Variants in IL1R1 observed in about 807,000 individuals in gnomAD.
IL1R1 encodes the protein interleukin-1 receptor type 1.
A neutral mutation model predicts 50.2 loss-of-function variants in IL1R1; 22 were observed. The observed-to-expected ratio is 0.44, with a 90% CI of 0.31 to 0.63. The LOEUF is 0.63. IL1R1 is among the 20% of genes least tolerant of loss of function. The probability of loss-of-function intolerance (pLI) is 0.07; values close to 1 mark genes in which losing one functional copy is unlikely to be tolerated. For missense variants in IL1R1, 509 were observed against 676.2 expected (o/e 0.75, Z 2.74); for synonymous variants, 251 against 236.7 (o/e 1.06, Z -0.55).
chr2:102,090,304 A>C (rs1006148525), intron 1 of IL1R1, among the ~76,000 whole-genome samples: 17 of 152,100 alleles, frequency 1.1e-4, no homozygotes, highest in African/African-American at 3.9e-4. Context: ...CAATCAGATC[A>C]AATATTATTT....
intron 7 of IL1R1, 91 bp downstream of exon 7, chr2:102,168,754 C>T: frequency 2.3e-6 from 2 of 874,060 alleles, no homozygotes; most frequent in Non-Finnish European, 3.6e-6. Context: ...TATATATAAT[C>T]TAAGCCATTT....
chr2:102,166,606 T>G (rs1370654032), intron 6 of IL1R1, among the ~76,000 whole-genome samples: 2 of 152,148 alleles, frequency 1.3e-5, no homozygotes, highest in African/African-American at 2.4e-5. Context: ...ATGGGAATGT[T>G]CTGAGAGCCT....
chr2:102,175,336 AT>A, intron 10 of IL1R1, 141 bp from the exon 11 acceptor site: 1 of 669,872 alleles, frequency 1.5e-6, no homozygotes. Flanking sequence ...AAGGGATTAT[AT>A]TTTTGGTATT....
chr2:102,154,162 G>A (rs1304553844), intron 2 of IL1R1, 145 bp downstream of exon 2: 1 of 152,134 alleles, frequency 6.6e-6, no homozygotes, highest in Non-Finnish European at 1.5e-5. Flanking sequence ...TTACTCTTTG[G>A]GGCAGCTTGA....
At chr2:102,078,275 G>C (rs896926877) in intron 1 of IL1R1, among the ~76,000 whole-genome samples, 14 of 151,978 alleles carry the variant, frequency 9.2e-5, no homozygotes, top group Non-Finnish European at 1.8e-4. Flanking sequence ...CCAAATGTAG[G>C]TTATCTTCTC....
At chr2:102,117,089 A>T (rs1681119533) in intron 1 of IL1R1, among the ~76,000 whole-genome samples, 1 of 152,216 alleles carries the variant, frequency 6.6e-6, no homozygotes, top group Admixed American at 6.5e-5. Flanking sequence ...ATATTGGGCA[A>T]CACCATCTCA....
chr2:102,126,590 GT>G lies in IL1R1; in HGVS notation c.-84+21733del, dbSNP rs80318019. Among the ~76,000 whole-genome samples, 557 of 140,620 alleles carry G rather than the reference GT, an allele frequency of 4.0e-3. 1 individual carries two copies. Among genetic ancestry groups the G allele is most frequent in the Middle Eastern group, 7.1e-3 (2 of 280 alleles). The allele number at this position is 140,620 out of a possible 152,430, so 92.3% of individuals were successfully genotyped here. On this transcript the variant is annotated intron_variant, in intron 1 of 10. Transcript: ENST00000409329. ...TGAGGTCTGGTGAGATGTTTGAAAGGTTTTTTTTTTTTTTTAAGGATAGAGG... is the reference window on the plus strand; with the variant it reads ...TGAGGTCTGGTGAGATGTTTGAAAGGTTTTTTTTTTTTTTAAGGATAGAGG...
intron 6 of IL1R1, among the ~76,000 whole-genome samples, chr2:102,167,856 C>A (rs1447950404): frequency 6.6e-6 from 1 of 152,248 alleles, no homozygotes; most frequent in South Asian, 2.1e-4. Flanking sequence ...CCAAGGCCCA[C>A]ACCAATGATG....
At chr2:102,073,115 G>A (rs770578221) in intron 1 of IL1R1, among the ~76,000 whole-genome samples, 1 of 152,172 alleles carries the variant, frequency 6.6e-6, no homozygotes, top group Non-Finnish European at 1.5e-5. Flanking sequence ...GTAAAAGGCG[G>A]ATTCCCAAGG....
intron 1 of IL1R1, among the ~76,000 whole-genome samples, chr2:102,095,583 A>C (rs1294173255): frequency 1.3e-5 from 2 of 152,194 alleles, no homozygotes; most frequent in Admixed American, 1.3e-4. Context: ...GCATCTTTGA[A>C]GTTTTCTGTA....
rs377221046 is a variant in IL1R1, at chr2:102,111,099, GA to G, written c.-84+6228del. Among the ~76,000 whole-genome samples the G allele has an allele frequency of 3.8e-3, 528 of 139,520 alleles. 4 individuals are homozygous for G. The highest frequency in any genetic ancestry group is 0.012 in the African/African-American group (432 of 34,626). 91.5% of individuals were successfully genotyped at this position (139,520 alleles called of 152,430 possible). The stretch of plus-strand genomic sequence containing the variant: ...GGAAGGGAGGCCAAGGTGAGCTGGA[GA>G]CAGAGGCAGAGGCCAGAGCATGGTG... On this transcript the variant is annotated intron_variant, in intron 1 of 10. Transcript: ENST00000409329.
intron 1 of IL1R1, among the ~76,000 whole-genome samples, chr2:102,093,048 T>G (rs1210195557): frequency 6.6e-6 from 1 of 152,256 alleles, no homozygotes; most frequent in African/African-American, 2.4e-5. Context: ...TGGGTGATTA[T>G]TAACTTGTTT....
At chr2:102,113,905 G>A (rs1225290517) in intron 1 of IL1R1, among the ~76,000 whole-genome samples, 1 of 152,128 alleles carries the variant, frequency 6.6e-6, no homozygotes, top group African/African-American at 2.4e-5. Flanking sequence ...TTCAAGTCGC[G>A]GCAGATCGAT....
chr2:102,129,647 G>A (rs534877450), intron 1 of IL1R1, among the ~76,000 whole-genome samples: 4 of 152,268 alleles, frequency 2.6e-5, no homozygotes, highest in East Asian at 1.9e-4. Context: ...CTTTGAAATC[G>A]GGGTCAGGGG....
At chr2:102,167,507 G>A (rs920640922) in intron 6 of IL1R1, among the ~76,000 whole-genome samples, 2 of 144,786 alleles carry the variant, frequency 1.4e-5, no homozygotes, top group Non-Finnish European at 3.0e-5. Flanking sequence ...GAGTGCAGTG[G>A]TGCGATCTCC....
At chr2:102,088,803 C>T (rs1364859255) in intron 1 of IL1R1, among the ~76,000 whole-genome samples, 1 of 152,202 alleles carries the variant, frequency 6.6e-6, no homozygotes, top group Admixed American at 6.5e-5. Flanking sequence ...GCTGCAGCTT[C>T]TACATTAACA....
chr2:102,173,837 C>A (rs1685889373), intron 9 of IL1R1, among the ~76,000 whole-genome samples: 1 of 152,040 alleles, frequency 6.6e-6, no homozygotes, highest in Non-Finnish European at 1.5e-5. Flanking sequence ...AAAAATAAAT[C>A]TGGAGGATTA....
At chr2:102,079,533 AG>A (rs1390996946) in intron 1 of IL1R1, among the ~76,000 whole-genome samples, 6 of 152,168 alleles carry the variant, frequency 3.9e-5, no homozygotes, top group Non-Finnish European at 8.8e-5. Context: ...CATAAACTTA[AG>A]AAAAGAAGTA....
At chr2:102,128,698 A>G (rs1341536471) in intron 1 of IL1R1, among the ~76,000 whole-genome samples, 1 of 152,212 alleles carries the variant, frequency 6.6e-6, no homozygotes, top group Non-Finnish European at 1.5e-5. Flanking sequence ...AGTTCTAAAG[A>G]GCAAATCTCA....
Sources: allele counts gnomAD v4.1 joint callset (sites outside exome capture counted in the v4.1 genomes callset), GRCh38; gene constraint gnomAD v4.1.1; transcripts MANE v1.5; gene names NCBI Gene and HGNC (gene_info 2026-07-23, HGNC 2026-07-21).